The following REDIC1 variants were observed in gnomAD, a reference collection of about 807,000 sequenced individuals.
REDIC1 encodes HEI10 Interacting Protein 1.
chr12:39,717,400 A>C, the REDIC1 span, among the ~76,000 whole-genome samples: 2 of 152,062 alleles, frequency 1.3e-5, no homozygotes, highest in Non-Finnish European at 2.9e-5. Flanking sequence ...AGAAAACGTT[A>C]CTAAGGAAAT....
the REDIC1 span, among the ~76,000 whole-genome samples, chr12:39,702,312 C>G: frequency 0.79 from 120,621 of 152,094 alleles, 48,546 homozygotes; most frequent in Non-Finnish European, 0.87. Context: ...ACACCTCTAC[C>G]CAAGTAAACT....
chr12:39,749,941 A>G, the REDIC1 span, among the ~76,000 whole-genome samples: 5 of 152,216 alleles, frequency 3.3e-5, no homozygotes, highest in African/African-American at 1.2e-4. Context: ...GCTATTTATG[A>G]CAGACCCACA....
chr12:39,862,783 C>T, the REDIC1 span, among the ~76,000 whole-genome samples: 1 of 152,072 alleles, frequency 6.6e-6, no homozygotes, highest in Non-Finnish European at 1.5e-5. Context: ...TACAAGTATA[C>T]AATGTGTAAT....
At chr12:39,728,160 C>T in the REDIC1 span, among the ~76,000 whole-genome samples, 1 of 152,138 alleles carries the variant, frequency 6.6e-6, no homozygotes, top group Non-Finnish European at 1.5e-5. Context: ...ATTACCCTAG[C>T]CAGAACTTCC....
At chr12:39,651,485 A>T in the REDIC1 span, among the ~76,000 whole-genome samples, 1 of 152,164 alleles carries the variant, frequency 6.6e-6, no homozygotes, top group South Asian at 2.1e-4. Flanking sequence ...GGTAAATGGC[A>T]CCACTATTCA....
chr12:39,764,541 A>C, the REDIC1 span: 1 of 1,612,270 alleles, frequency 6.2e-7, no homozygotes, highest in Non-Finnish European at 8.5e-7. Context: ...CCAGATGAAC[A>C]TGCATTTCCT....
the REDIC1 span, among the ~76,000 whole-genome samples, chr12:39,697,654 CA>C: frequency 1.3e-5 from 2 of 152,054 alleles, no homozygotes; most frequent in African/African-American, 4.8e-5. Context: ...TTTCTTTGCT[CA>C]TTTTTTTATG....
chr12:39,721,182 C>G, the REDIC1 span: 10 of 1,613,498 alleles, frequency 6.2e-6, no homozygotes, highest in South Asian at 8.8e-5. Context: ...CTCTTTGCAA[C>G]CTTGAAAGGT....
At chr12:39,836,158 A>T in the REDIC1 span, among the ~76,000 whole-genome samples, 1 of 152,140 alleles carries the variant, frequency 6.6e-6, no homozygotes, top group Admixed American at 6.6e-5. Context: ...AGTTTGTAGT[A>T]AATAAGTGTG....
chr12:39,781,722 T>C, the REDIC1 span, among the ~76,000 whole-genome samples: 10 of 152,278 alleles, frequency 6.6e-5, no homozygotes, highest in South Asian at 1.0e-3. Context: ...CACAAACACA[T>C]AGACAAGCAT....
At chr12:39,710,901 T>A in the REDIC1 span, among the ~76,000 whole-genome samples, 15 of 151,664 alleles carry the variant, frequency 9.9e-5, no homozygotes, top group African/African-American at 1.9e-4. Context: ...TCTTTTTTTT[T>A]AATTTTTACC....
chr12:39,721,006 A>T, the REDIC1 span: 1 of 1,613,784 alleles, frequency 6.2e-7, no homozygotes, highest in Non-Finnish European at 8.5e-7. Flanking sequence ...GTTGCAGTGC[A>T]ATTCAGCCCA....
chr12:39,809,431 G>A, the REDIC1 span, among the ~76,000 whole-genome samples: 1 of 152,058 alleles, frequency 6.6e-6, no homozygotes, highest in Non-Finnish European at 1.5e-5. Context: ...ATTTTTTATA[G>A]AACTGTTTAT....
the REDIC1 span, among the ~76,000 whole-genome samples, chr12:39,717,282 C>CAGTAACTACTAA: frequency 2.0e-5 from 3 of 151,782 alleles, no homozygotes; most frequent in Non-Finnish European, 4.4e-5. Flanking sequence ...TACTAATAGC[C>CAGTAACTACTAA]TACTGTTGCC....
the REDIC1 span, among the ~76,000 whole-genome samples, chr12:39,845,143 C>G: frequency 6.6e-6 from 1 of 151,836 alleles, no homozygotes; most frequent in African/African-American, 2.4e-5. Flanking sequence ...TTGTGATGGG[C>G]AGTCACGTTG....
the REDIC1 span, among the ~76,000 whole-genome samples, chr12:39,744,964 T>C: frequency 2.6e-5 from 4 of 152,134 alleles, no homozygotes; most frequent in African/African-American, 9.7e-5. Flanking sequence ...AATATAACGA[T>C]ACATATATTA....
the REDIC1 span, chr12:39,864,906 TAGAGA>T: frequency 1.3e-6 from 2 of 1,596,414 alleles, no homozygotes; most frequent in East Asian, 4.5e-5. Context: ...AGTTTTATAT[TAGAGA>T]AGAGTTGACA....
the REDIC1 span, among the ~76,000 whole-genome samples, chr12:39,867,584 T>G: frequency 6.6e-6 from 1 of 152,184 alleles, no homozygotes; most frequent in East Asian, 1.9e-4. Context: ...CATCTATCTC[T>G]TAAGGTCCAA....
At chr12:39,722,758 G>A in the REDIC1 span, among the ~76,000 whole-genome samples, 2 of 152,146 alleles carry the variant, frequency 1.3e-5, no homozygotes, top group Admixed American at 6.6e-5. Flanking sequence ...ACCACTTACA[G>A]TGACAGCAGA....
Sources: allele counts gnomAD v4.1 joint callset (sites outside exome capture counted in the v4.1 genomes callset), GRCh38; gene constraint gnomAD v4.1.1; transcripts MANE v1.5; gene names NCBI Gene and HGNC (gene_info 2026-07-23, HGNC 2026-07-21).